Variants in PDZRN4 observed in about 807,000 individuals in gnomAD.
PDZRN4 encodes PDZ domain-containing RING finger protein 4.
PDZRN4 carries 70 observed loss-of-function variants against 99.0 expected under a neutral mutation model. That is an observed-to-expected ratio of 0.71 (90% confidence interval 0.58 to 0.86). PDZRN4 has a LOEUF of 0.86. PDZRN4 is among the 40% of genes least tolerant of loss of function. The probability of loss-of-function intolerance (pLI) is 0.00; values close to 1 mark genes in which losing one functional copy is unlikely to be tolerated. For synonymous variants in PDZRN4, 551 were observed against 501.6 expected (o/e 1.10, Z -1.32); for missense variants, 1,474 against 1,331.2 (o/e 1.11, Z -1.67).
chr12:41,227,416 G>A (rs539978040), intron 3 of PDZRN4, among the ~76,000 whole-genome samples: 87 of 152,224 alleles, frequency 5.7e-4, no homozygotes, highest in African/African-American at 1.9e-3. Flanking sequence ...TGTAATTCCA[G>A]CACTTTGGAA....
chr12:41,367,786 T>A (rs983054560), intron 3 of PDZRN4, among the ~76,000 whole-genome samples: 1 of 151,726 alleles, frequency 6.6e-6, no homozygotes, highest in Non-Finnish European at 1.5e-5. Context: ...ATCTATGAAT[T>A]AAATTAATTA....
Position 41,506,726 on chromosome 12 carries a change from A to G in PDZRN4, c.1100+14A>G, listed in dbSNP as rs2120674941. ...GCTCTCAGACAGGTATTTTTCTATC[A>G]TTTCTTCCAAAGCCCTGTTTGTTTC... On this transcript the variant is annotated intron_variant, in intron 4 of 9. Transcript: ENST00000402685. 1.3e-6 allele frequency: 2 copies of G among 1,590,686 alleles called. No homozygotes were observed. The highest frequency in any genetic ancestry group is 1.7e-6 in the Non-Finnish European group (2 of 1,167,152).
chr12:41,537,964 G>C (rs1014425789), intron 5 of PDZRN4, among the ~76,000 whole-genome samples: 4 of 152,090 alleles, frequency 2.6e-5, no homozygotes, highest in African/African-American at 9.7e-5. Flanking sequence ...TGAAAAGCTT[G>C]GCTGCACTCC....
chr12:41,249,633 C>T (rs1951155237), intron 3 of PDZRN4, among the ~76,000 whole-genome samples: 1 of 152,158 alleles, frequency 6.6e-6, no homozygotes, highest in Non-Finnish European at 1.5e-5. Context: ...AGTTTATTTT[C>T]AACCTCAATT....
intron 3 of PDZRN4, among the ~76,000 whole-genome samples, chr12:41,472,217 G>C (rs1953000217): frequency 6.6e-6 from 1 of 152,058 alleles, no homozygotes; most frequent in South Asian, 2.1e-4. Context: ...TGGTCAAGCT[G>C]GCCTCGACCT....
intron 3 of PDZRN4, among the ~76,000 whole-genome samples, chr12:41,411,067 A>AT (rs113666260): frequency 0.11 from 15,861 of 140,308 alleles, 1,207 homozygotes; most frequent in African/African-American, 0.22. Flanking sequence ...ATATATATAT[A>AT]TTTTTTTTTT....
At chr12:41,358,715 T>G (rs1015527891) in intron 3 of PDZRN4, among the ~76,000 whole-genome samples, 2 of 151,988 alleles carry the variant, frequency 1.3e-5, no homozygotes, top group African/African-American at 2.4e-5. Context: ...CTTAGAAAGG[T>G]TTTCCTTTGA....
At chr12:41,510,546 C>T (rs892025351) in intron 5 of PDZRN4, among the ~76,000 whole-genome samples, 12 of 152,080 alleles carry the variant, frequency 7.9e-5, no homozygotes, top group African/African-American at 1.2e-4. Context: ...CCTAATATTT[C>T]CTCTGCTTCT....
At chr12:41,190,538 C>T (rs1950729796) in intron 1 of PDZRN4, among the ~76,000 whole-genome samples, 1 of 152,122 alleles carries the variant, frequency 6.6e-6, no homozygotes, top group Admixed American at 6.5e-5. Context: ...GAAAAACTGC[C>T]CATGATTTGC....
At chr12:41,509,425 A>G (rs1938267061) in intron 4 of PDZRN4, 1 of 153,654 alleles carries the variant, frequency 6.5e-6, no homozygotes. Context: ...TTTATGACAA[A>G]ATACCCCTCT....
chr12:41,479,951 T>A (rs1458318895), intron 3 of PDZRN4, among the ~76,000 whole-genome samples: 3 of 152,178 alleles, frequency 2.0e-5, no homozygotes, highest in African/African-American at 7.2e-5. Context: ...TAAAACTAAA[T>A]CAAATGAATT....
intron 3 of PDZRN4, among the ~76,000 whole-genome samples, chr12:41,236,127 G>A (rs73119087): frequency 6.6e-6 from 1 of 152,202 alleles, no homozygotes; most frequent in Non-Finnish European, 1.5e-5. Context: ...AAAGAAGTTT[G>A]CAATCTAGTG....
intron 3 of PDZRN4, among the ~76,000 whole-genome samples, chr12:41,458,188 G>T (rs549874357): frequency 6.6e-6 from 1 of 152,000 alleles, no homozygotes; most frequent in African/African-American, 2.4e-5. Context: ...ATGGAGTTTC[G>T]CTCTTGTTGC....
chr12:41,335,028 G>A (rs974528259), intron 3 of PDZRN4, among the ~76,000 whole-genome samples: 4 of 151,910 alleles, frequency 2.6e-5, no homozygotes, highest in African/African-American at 9.7e-5. Context: ...TAATTATCTT[G>A]ATAGAGCTTC....
intron 3 of PDZRN4, among the ~76,000 whole-genome samples, chr12:41,386,592 T>C (rs530160116): frequency 2.0e-5 from 3 of 152,218 alleles, no homozygotes; most frequent in Non-Finnish European, 4.4e-5. Context: ...TAAACTACCA[T>C]TTGCATTCTT....
intron 3 of PDZRN4, among the ~76,000 whole-genome samples, chr12:41,369,329 C>T (rs1952023756): frequency 1.3e-5 from 2 of 151,986 alleles, no homozygotes; most frequent in Non-Finnish European, 2.9e-5. Flanking sequence ...TTGTAGTTCT[C>T]TTAATTTCTT....
chr12:41,252,984 A>G (rs1008419666), intron 3 of PDZRN4, among the ~76,000 whole-genome samples: 11 of 152,212 alleles, frequency 7.2e-5, no homozygotes, highest in Non-Finnish European at 1.2e-4. Context: ...AAAGAAAAAT[A>G]TGAATATTGA....
intron 3 of PDZRN4, among the ~76,000 whole-genome samples, chr12:41,248,018 T>A (rs1337568829): frequency 6.6e-6 from 1 of 152,166 alleles, no homozygotes. Context: ...AAACGGGAAA[T>A]GACTTGCACA....
chr12:41,389,351 T>C (rs535256186), intron 3 of PDZRN4, among the ~76,000 whole-genome samples: 2 of 152,322 alleles, frequency 1.3e-5, no homozygotes, highest in Non-Finnish European at 2.9e-5. Flanking sequence ...AGGCATTCTC[T>C]AGGCTTTTAA....
Sources: allele counts gnomAD v4.1 joint callset (sites outside exome capture counted in the v4.1 genomes callset), GRCh38; gene constraint gnomAD v4.1.1; transcripts MANE v1.5; gene names NCBI Gene and HGNC (gene_info 2026-07-23, HGNC 2026-07-21).